ANKRD17: variants seen among roughly 807,000 people sequenced by gnomAD.
ANKRD17 encodes ankyrin repeat domain 17.
In ANKRD17, 19 loss-of-function variants were observed where a neutral mutation model predicts 229.7. That is an observed-to-expected ratio of 0.08 (90% CI 0.06 to 0.12). The LOEUF is 0.12. Among genes scored for constraint, ANKRD17 ranks in the 10% least tolerant of loss-of-function variants. The pLI, the probability that ANKRD17 is intolerant of heterozygous loss-of-function variation, is 1.00. For missense variants in ANKRD17, 2,176 were observed against 3,176.8 expected, an observed-to-expected ratio of 0.68 and a Z score of 7.57; for synonymous variants, 1,112 against 1,146.1, an observed-to-expected ratio of 0.97 and a Z score of 0.60.
intron 22 of ANKRD17, 58 bp downstream of exon 22, chr4:73,118,630 T>A: frequency 6.3e-7 from 1 of 1,591,862 alleles, no homozygotes; most frequent in Non-Finnish European, 8.6e-7. Flanking sequence ...CACTAAGCCA[T>A]GTACTTCCTA....
At chr4:73,257,028 C>T (rs1386330569) in intron 1 of ANKRD17, among the ~76,000 whole-genome samples, 3 of 152,154 alleles carry the variant, frequency 2.0e-5, no homozygotes, top group African/African-American at 4.8e-5. Context: ...TTCCAATTTT[C>T]GGAAAACCAG....
chr4:73,216,900 C>A (rs1038938777), intron 1 of ANKRD17, among the ~76,000 whole-genome samples: 22 of 152,174 alleles, frequency 1.4e-4, no homozygotes, highest in African/African-American at 4.8e-4. Context: ...TTATAAACAC[C>A]TTGTGAAAAG....
At chr4:73,216,345 A>G (rs770180948) in intron 1 of ANKRD17, among the ~76,000 whole-genome samples, 7 of 152,158 alleles carry the variant, frequency 4.6e-5, no homozygotes, top group African/African-American at 7.2e-5. Flanking sequence ...TATAGTAAAT[A>G]GTGATAGATA....
Position 73,139,836 on chromosome 4 carries a change from G to A in ANKRD17, c.2780C>T (p.Ala927Val). The change falls in exon 15 of 34, where the codon GCA (alanine) becomes GTA (valine). Residue 927 changes from alanine (A) to valine (V), a missense_variant. Physicochemically the swap from Ala to Val is moderately conservative, Grantham distance 64. Around this residue, in one of 18 missense-constraint regions of ANKRD17, gnomAD observed 230 missense variants for 252.3 expected, o/e 0.91. Coordinates refer to ENST00000358602, the MANE Select transcript of ANKRD17 (RefSeq NM_032217.5). Reference protein sequence around the residue: ...VGEQLSEGDYARLQQVDPVLL... With the variant: ...VGEQLSEGDYVRLQQVDPVLL... ...AACAGGATCCACTTGCTGTAACCGT[G>A]CATAGTCTCCCTCAGAAAGCTGCTC... 6.2e-7 allele frequency: 1 copy of A among 1,614,224 alleles called. No homozygotes were observed. Among genetic ancestry groups the A allele is most frequent in the Middle Eastern group, 1.6e-4 (1 of 6,062 alleles).
intron 2 of ANKRD17, among the ~76,000 whole-genome samples, chr4:73,174,093 A>AGAGGGAAG (rs1734401642): frequency 9.0e-6 from 1 of 111,200 alleles, no homozygotes; most frequent in African/African-American, 3.5e-5. Context: ...AAGGGAGGGG[A>AGAGGGAAG]GAAGGAAGGA....
At chr4:73,094,012 T>C (rs1178080720) in intron 28 of ANKRD17, 67 bp downstream of exon 28, 4 of 1,467,836 alleles carry the variant, frequency 2.7e-6, no homozygotes, top group South Asian at 2.5e-5. Flanking sequence ...AAAACTCATA[T>C]GGCTGTATTT....
rs1396979650 is a variant in ANKRD17, at chr4:73,098,837, TTGAAGTCCAGCCAGCCCTTGGCCTCCA to T, written c.4574-344_4574-318del. On this transcript the variant is annotated intron_variant, in intron 25 of 33. Coordinates refer to ENST00000358602, the MANE Select transcript of ANKRD17 (RefSeq NM_032217.5). ...AGAAGGGAAGATGAGTGAGTCGAGCTTGAAGTCCAGCCAGCCCTTGGCCTCCAAGCAGGAAATGGACAGCACTGAGAA... is the reference window on the plus strand; with the variant it reads ...AGAAGGGAAGATGAGTGAGTCGAGCTAGCAGGAAATGGACAGCACTGAGAA... 23 of 1,528,114 alleles carry T rather than the reference TTGAAGTCCAGCCAGCCCTTGGCCTCCA, an allele frequency of 1.5e-5. No individual in the cohort carries two copies. In the African/African-American group the frequency reaches 3.0e-4, roughly 20 times the overall value. 94.7% of individuals were successfully genotyped at this position (1,528,114 alleles called of 1,614,324 possible).
intron 16 of ANKRD17, among the ~76,000 whole-genome samples, chr4:73,129,841 C>A (rs1427732442): frequency 6.6e-6 from 1 of 150,636 alleles, no homozygotes; most frequent in African/African-American, 2.4e-5. Context: ...CAGCTCACTG[C>A]AAGCTCCGTC....
chr4:73,186,057 T>A (rs180775164), intron 1 of ANKRD17, among the ~76,000 whole-genome samples: 1 of 152,094 alleles, frequency 6.6e-6, no homozygotes, highest in East Asian at 1.9e-4. Context: ...ATAAGCAGAT[T>A]TACACATAAA....
chr4:73,120,040 G>T (rs906975489), intron 21 of ANKRD17, 122 bp downstream of exon 21: 3 of 1,072,876 alleles, frequency 2.8e-6, no homozygotes, highest in Non-Finnish European at 1.4e-6. Flanking sequence ...GGGGGAAAAA[G>T]CACTTGTTTA....
At chr4:73,084,663 G>A (rs1390249933) in intron 30 of ANKRD17, among the ~76,000 whole-genome samples, 1 of 151,984 alleles carries the variant, frequency 6.6e-6, no homozygotes, top group East Asian at 1.9e-4. Context: ...TGGCCGAGCT[G>A]GTCTTGAACT....
intron 31 of ANKRD17, among the ~76,000 whole-genome samples, chr4:73,078,233 C>T (rs1424037249): frequency 1.3e-5 from 2 of 151,884 alleles, no homozygotes; most frequent in Non-Finnish European, 2.9e-5. Flanking sequence ...AAAAATTAGC[C>T]GGGCGTGGTG....
intron 1 of ANKRD17, among the ~76,000 whole-genome samples, chr4:73,222,018 A>G (rs375062577): frequency 8.5e-5 from 13 of 152,134 alleles, no homozygotes; most frequent in Non-Finnish European, 1.8e-4. Context: ...CTCTCCCCAC[A>G]GTAAAATAAT....
intron 3 of ANKRD17, among the ~76,000 whole-genome samples, chr4:73,158,936 T>C (rs1393693678): frequency 6.6e-6 from 1 of 152,216 alleles, no homozygotes; most frequent in Admixed American, 6.5e-5. Context: ...TCCATAATTG[T>C]AAGAAATAAA....
intron 3 of ANKRD17, among the ~76,000 whole-genome samples, chr4:73,160,210 C>CTTTTTTTTTT: frequency 1.6e-5 from 1 of 61,586 alleles, no homozygotes; most frequent in Admixed American, 2.2e-4. Flanking sequence ...TTTCTTATCA[C>CTTTTTTTTTT]TTTTTTTTTT....
intron 1 of ANKRD17, among the ~76,000 whole-genome samples, chr4:73,212,282 A>G (rs1428704647): frequency 6.6e-6 from 1 of 152,214 alleles, no homozygotes; most frequent in Non-Finnish European, 1.5e-5. Context: ...ATAACACTAA[A>G]AGCTCAAGAC....
At chr4:73,231,963 T>G (rs1275035061) in intron 1 of ANKRD17, among the ~76,000 whole-genome samples, 1 of 152,254 alleles carries the variant, frequency 6.6e-6, no homozygotes, top group Non-Finnish European at 1.5e-5. Context: ...AGAATTTCCA[T>G]GCCCCTTGTC....
intron 22 of ANKRD17, among the ~76,000 whole-genome samples, chr4:73,117,480 T>C (rs755464038): frequency 6.6e-6 from 1 of 152,314 alleles, no homozygotes; most frequent in South Asian, 2.1e-4. Context: ...TTGATAATGA[T>C]ATGCTAGCTT....
chr4:73,133,110 C>T (rs1341450198), intron 16 of ANKRD17, among the ~76,000 whole-genome samples: 3 of 151,714 alleles, frequency 2.0e-5, no homozygotes, highest in Admixed American at 6.6e-5. Flanking sequence ...ATTGGCCAGG[C>T]GTGATGGTGG....
Sources: allele counts gnomAD v4.1 joint callset (sites outside exome capture counted in the v4.1 genomes callset), GRCh38; gene constraint gnomAD v4.1.1; regional missense constraint gnomAD v4.1.1; transcripts MANE v1.5; gene names NCBI Gene and HGNC (gene_info 2026-07-23, HGNC 2026-07-21).